NUP210L: variants seen among roughly 807,000 people sequenced by gnomAD.
NUP210L encodes the protein nuclear pore membrane glycoprotein 210-like.
In NUP210L, 74 loss-of-function variants were observed where a neutral mutation model predicts 208.5. The ratio of observed to expected loss-of-function variants is 0.35; its 90% confidence interval spans 0.29 to 0.43. NUP210L has a LOEUF of 0.43. Ranked by LOEUF, NUP210L falls within the 20% of genes least tolerant of loss-of-function variation. The pLI, the probability that NUP210L is intolerant of heterozygous loss-of-function variation, is 1.00. For missense variants in NUP210L, 1,843 were observed against 2,289.4 expected (o/e 0.81, Z 3.98); for synonymous variants, 780 against 816.9 (o/e 0.95, Z 0.77).
At chr1:154,119,704 A>G (rs556193260) in intron 10 of NUP210L, among the ~76,000 whole-genome samples, 55 of 152,304 alleles carry the variant, frequency 3.6e-4, no homozygotes, top group African/African-American at 1.2e-3. Context: ...TCCTGAAACC[A>G]GTTCCCCACA....
intron 37 of NUP210L, chr1:153,995,805 CG>C (rs1343392017): frequency 3.1e-6 from 2 of 639,278 alleles, no homozygotes; most frequent in East Asian, 3.3e-5. Context: ...GGATTCGTGC[CG>C]TAAAACCTGA....
exon 31 of NUP210L, chr1:154,023,290 G>C: frequency 6.2e-7 from 1 of 1,606,126 alleles, no homozygotes; most frequent in Admixed American, 1.7e-5. Context: ...GTATGTCACC[G>C]GTGCTACCTG....
chr1:154,056,854 C>T, exon 23 of NUP210L: 2 of 1,598,110 alleles, frequency 1.3e-6, no homozygotes, highest in East Asian at 4.6e-5. Flanking sequence ...TTCTTCCCAT[C>T]TTGTCCTTGG....
chr1:154,057,669 C>G (rs947958684), intron 22 of NUP210L, among the ~76,000 whole-genome samples: 39 of 149,482 alleles, frequency 2.6e-4, no homozygotes, highest in Admixed American at 3.4e-4. Flanking sequence ...AGCCCCCAAA[C>G]AAGGCATCTG....
chr1:154,065,671 T>C (rs548224787), intron 17 of NUP210L, among the ~76,000 whole-genome samples: 4 of 152,006 alleles, frequency 2.6e-5, no homozygotes, highest in South Asian at 4.1e-4. Context: ...GGCAGGTGGA[T>C]TGCCTGAGCT....
intron 27 of NUP210L, among the ~76,000 whole-genome samples, chr1:154,044,496 TC>T (rs1653069909): frequency 6.6e-6 from 1 of 152,058 alleles, no homozygotes; most frequent in Admixed American, 6.6e-5. Flanking sequence ...CTTCCACAAT[TC>T]CAGTATAACT....
exon 10 of NUP210L, chr1:154,126,425 A>T (rs1657984850): frequency 6.2e-7 from 1 of 1,613,434 alleles, no homozygotes; most frequent in South Asian, 1.1e-5. Context: ...GTTGCTCTTC[A>T]AAGTACTCCT....
At chr1:154,084,633 T>C (rs1464762659) in intron 16 of NUP210L, among the ~76,000 whole-genome samples, 1 of 151,940 alleles carries the variant, frequency 6.6e-6, no homozygotes, top group African/African-American at 2.4e-5. Flanking sequence ...GTTACAAGAC[T>C]GGCTAATTTT....
intron 7 of NUP210L, among the ~76,000 whole-genome samples, chr1:154,133,939 CAGG>C (rs1658383653): frequency 1.3e-5 from 2 of 151,894 alleles, no homozygotes; most frequent in Non-Finnish European, 2.9e-5. Context: ...CATCTGAGGT[CAGG>C]AGTTCAAGTC....
At chr1:154,028,607 T>C (rs1224868088) in intron 28 of NUP210L, among the ~76,000 whole-genome samples, 3 of 152,004 alleles carry the variant, frequency 2.0e-5, no homozygotes, top group African/African-American at 7.2e-5. Context: ...AATAATTAAA[T>C]AAAAATTGTT....
intron 17 of NUP210L, among the ~76,000 whole-genome samples, chr1:154,065,271 T>C (rs922625166): frequency 8.6e-5 from 13 of 151,272 alleles, no homozygotes; most frequent in Admixed American, 7.9e-4. Flanking sequence ...AATTAAAAAA[T>C]TAGCTGCTCT....
chr1:153,998,829 C>A (rs1488421423), intron 37 of NUP210L, among the ~76,000 whole-genome samples: 1 of 151,460 alleles, frequency 6.6e-6, no homozygotes, highest in African/African-American at 2.4e-5. Flanking sequence ...AGGCAGTCCT[C>A]CCACCTCAAC....
intron 10 of NUP210L, among the ~76,000 whole-genome samples, chr1:154,123,137 A>G (rs772016416): frequency 1.3e-5 from 2 of 151,830 alleles, no homozygotes; most frequent in Admixed American, 6.6e-5. Context: ...CAACACTCCA[A>G]TGTCAGTTGT....
intron 35 of NUP210L, among the ~76,000 whole-genome samples, chr1:154,004,537 G>A (rs913398289): frequency 6.6e-6 from 1 of 151,884 alleles, no homozygotes; most frequent in Non-Finnish European, 1.5e-5. Context: ...TGTATTTTTA[G>A]TAGAGGCAGA....
At chr1:154,131,102 TA>T (rs1293759279) in intron 7 of NUP210L, among the ~76,000 whole-genome samples, 176 of 143,854 alleles carry the variant, frequency 1.2e-3, no homozygotes, top group Admixed American at 4.9e-3. Flanking sequence ...CCGTCTCTGC[TA>T]AAAAAAAAAA....
intron 12 of NUP210L, among the ~76,000 whole-genome samples, chr1:154,111,092 G>T (rs1196900187): frequency 6.7e-6 from 1 of 149,914 alleles, no homozygotes; most frequent in Non-Finnish European, 1.5e-5. Context: ...ACCCAAATAA[G>T]TAAAATCTGG....
chr1:154,037,100 C>T (rs1312573822), intron 27 of NUP210L, among the ~76,000 whole-genome samples: 1 of 152,052 alleles, frequency 6.6e-6, no homozygotes, highest in Non-Finnish European at 1.5e-5. Context: ...GTTTTGTGGC[C>T]TGTCATATTG....
At chr1:154,056,621 A>G (rs970351693) in intron 23 of NUP210L, among the ~76,000 whole-genome samples, 194 bp downstream of exon 23, 1 of 152,068 alleles carries the variant, frequency 6.6e-6, no homozygotes, top group African/African-American at 2.4e-5. Context: ...GAGTCTCACT[A>G]TGTTGCCCAG....
At chr1:154,131,698 A>T (rs1232461606) in intron 7 of NUP210L, among the ~76,000 whole-genome samples, 1 of 152,196 alleles carries the variant, frequency 6.6e-6, no homozygotes, top group African/African-American at 2.4e-5. Flanking sequence ...CTTTATCTTG[A>T]CATCACTACC....
Sources: allele counts gnomAD v4.1 joint callset (sites outside exome capture counted in the v4.1 genomes callset), GRCh38; gene constraint gnomAD v4.1.1; transcripts MANE v1.5; gene names NCBI Gene and HGNC (gene_info 2026-07-23, HGNC 2026-07-21).